The following STPG4 variants were observed in gnomAD, a reference collection of about 807,000 sequenced individuals.
STPG4 encodes the protein sperm-tail PG-rich repeat containing 4.
STPG4 carries 41 observed loss-of-function variants against 31.5 expected under a neutral mutation model. That is an observed-to-expected ratio of 1.30 (90% CI 1.01 to 1.69). The LOEUF (loss-of-function observed/expected upper bound fraction) is 1.69. Ranked by LOEUF, STPG4 falls within the 40% of genes most tolerant of loss-of-function variation. The pLI, the probability that STPG4 is intolerant of heterozygous loss-of-function variation, is 0.00. For missense variants in STPG4, 375 were observed against 293.4 expected (o/e 1.28, Z -2.03); for synonymous variants, 141 against 103.0 (o/e 1.37, Z -2.24).
chr2:47,135,413 G>A (rs1686575350), intron 3 of STPG4, among the ~76,000 whole-genome samples: 1 of 152,132 alleles, frequency 6.6e-6, no homozygotes, highest in Non-Finnish European at 1.5e-5. Context: ...TGGAGGAAGA[G>A]TCTCACTCTG....
chr2:47,120,066 C>G (rs749665657), intron 5 of STPG4, among the ~76,000 whole-genome samples: 14 of 152,164 alleles, frequency 9.2e-5, no homozygotes, highest in Non-Finnish European at 1.6e-4. Flanking sequence ...GGCGGTGGCT[C>G]ATGCCTGTAA....
chr2:47,142,836 C>CTTTTTTT lies in STPG4; in HGVS notation c.399+8415_399+8421dup, dbSNP rs10686388. Among the ~76,000 whole-genome samples, 45 of 73,840 alleles carry CTTTTTTT rather than the reference C, an allele frequency of 6.1e-4. 1 individual carries two copies. The highest frequency in any genetic ancestry group is 6.7e-4 in the African/African-American group (12 of 18,030). The allele number at this position is 73,840 out of a possible 152,430, so 48.4% of individuals were successfully genotyped here. A position where few individuals can be genotyped will look rare whatever the true frequency, so the allele number is the denominator to read the frequency against. ...ATCAACACATATAGATTTATCTCAT[C>CTTTTTTT]TTTTTTTTTTTTTTTTTTTTTTTTG... On this transcript the variant is annotated intron_variant, in intron 3 of 6. Transcript: ENST00000445927.
chr2:47,097,323 C>T (rs545048878), intron 5 of STPG4, among the ~76,000 whole-genome samples: 4 of 152,270 alleles, frequency 2.6e-5, no homozygotes, highest in East Asian at 1.9e-4. Context: ...CCCCAGAAAG[C>T]GCACACGTTC....
At position 47,143,082 on chromosome 2, in the gene STPG4, T is replaced by C. The variant is rs187748897; in HGVS notation, c.399+8176A>G. 4.8e-3 allele frequency among the ~76,000 whole-genome samples: 731 copies of C among 152,258 alleles called. 4 individuals are homozygous for C. Among genetic ancestry groups the C allele is most frequent in the Non-Finnish European group, 6.0e-3 (410 of 68,028 alleles). ...CTTAGGTGATCTGCCTGCCTCGGCC[T>C]CCCAAACTGCTGGGATTACAGGCGT... On this transcript the variant is annotated intron_variant, in intron 3 of 6. Coordinates refer to ENST00000445927, the MANE Select transcript of STPG4 (RefSeq NM_001163561.2).
At chr2:47,127,535 C>G (rs988239150) in intron 5 of STPG4, among the ~76,000 whole-genome samples, 1 of 152,152 alleles carries the variant, frequency 6.6e-6, no homozygotes, top group Non-Finnish European at 1.5e-5. Flanking sequence ...TCCCAAAGTG[C>G]TGGGATTACA....
chr2:47,152,548 A>G (rs964872527), intron 2 of STPG4, among the ~76,000 whole-genome samples: 4 of 152,198 alleles, frequency 2.6e-5, no homozygotes, highest in Non-Finnish European at 5.9e-5. Context: ...TCTTCCATAT[A>G]TTACCATTTT....
Position 47,107,339 on chromosome 2 carries a change from G to A in STPG4, c.520-16965C>T, listed in dbSNP as rs539376100. Among the ~76,000 whole-genome samples the A allele has an allele frequency of 9.9e-5, 15 of 152,264 alleles. 1 individual carries two copies. In the South Asian group the frequency reaches 1.0e-3, roughly 11 times the overall value. On this transcript the variant is annotated intron_variant, in intron 5 of 6. Transcript: ENST00000445927. ...GTGCTTGCGGGCCAGCTGGAGTTCC[G>A]GGTGGGCATGGGCTTGGTGGGCCCC...
chr2:47,130,032 A>T (rs1573183224), intron 4 of STPG4, 37 bp from the exon 5 acceptor site: 2 of 1,500,656 alleles, frequency 1.3e-6, no homozygotes, highest in African/African-American at 1.4e-5. Context: ...TGATTTTCTA[A>T]ATCTATTTTT....
At chr2:47,097,149 C>G (rs1427291102) in intron 5 of STPG4, among the ~76,000 whole-genome samples, 4 of 152,082 alleles carry the variant, frequency 2.6e-5, no homozygotes, top group African/African-American at 7.3e-5. Flanking sequence ...TTAATCATTA[C>G]TATGTTACAA....
chr2:47,093,606 C>T (rs796473288), intron 5 of STPG4, among the ~76,000 whole-genome samples: 15 of 152,332 alleles, frequency 9.8e-5, no homozygotes, highest in African/African-American at 3.6e-4. Flanking sequence ...TGCGGCTTTG[C>T]TTTCTAAAGC....
Position 47,114,861 on chromosome 2 carries a change from G to A in STPG4, c.519+15080C>T, listed in dbSNP as rs142695221. On this transcript the variant is annotated intron_variant, in intron 5 of 6. Coordinates refer to ENST00000445927, the MANE Select transcript of STPG4 (RefSeq NM_001163561.2). The stretch of plus-strand genomic sequence containing the variant: ...TGGCTCACTGAAACCTCCATCTTCC[G>A]GGTTCAAGCAATTCTCCTGCCTCAG... 8.6e-3 allele frequency among the ~76,000 whole-genome samples: 1,301 copies of A among 152,108 alleles called. 21 individuals carry two copies. The highest frequency in any genetic ancestry group is 0.029 in the African/African-American group (1,214 of 41,466).
At chr2:47,121,722 C>T in intron 5 of STPG4, among the ~76,000 whole-genome samples, 1 of 152,186 alleles carries the variant, frequency 6.6e-6, no homozygotes, top group East Asian at 1.9e-4. Context: ...GGGCCATGCT[C>T]CCTCCAGAGG....
intron 1 of STPG4, among the ~76,000 whole-genome samples, chr2:47,153,898 A>G (rs1686981505): frequency 6.6e-6 from 1 of 152,208 alleles, no homozygotes; most frequent in Admixed American, 6.5e-5. Context: ...TTATTTTGGT[A>G]TTCCTCAGTT....
intron 5 of STPG4, among the ~76,000 whole-genome samples, chr2:47,111,898 C>G (rs1158765777): frequency 6.6e-6 from 1 of 152,168 alleles, no homozygotes; most frequent in Admixed American, 6.6e-5. Context: ...AAATTCCTTA[C>G]CAGTTGTTTC....
chr2:47,153,002 C>T lies in STPG4; in HGVS notation c.96G>A (p.Lys32=), dbSNP rs759775865. 6.2e-7 allele frequency: 1 copy of T among 1,611,860 alleles called. No homozygotes were observed. Among genetic ancestry groups the T allele is most frequent in the South Asian group, 1.1e-5 (1 of 90,798 alleles). ...SFITASKPAQ[K]TSSFEREGWW... ...ATCCTTCTCTTTCAAAAGAGGAAGTCTTTTGGGCTGGTTTCTGTTAACAAA... is the reference window on the plus strand; with the variant it reads ...ATCCTTCTCTTTCAAAAGAGGAAGTTTTTTGGGCTGGTTTCTGTTAACAAA... Residue 32 remains lysine (K), a synonymous_variant, in exon 2 of 7, where the codon AAG becomes AAA. Transcript: ENST00000445927.
In STPG4 at chr2:47,110,975, T is replaced by C. The variant is rs551991290; in HGVS notation, c.519+18966A>G. Among the ~76,000 whole-genome samples the C allele has an allele frequency of 3.3e-5, 5 of 152,358 alleles. No homozygotes were observed. The East Asian group carries it at 7.7e-4, about 23-fold the overall frequency. On this transcript the variant is annotated intron_variant, in intron 5 of 6. Coordinates refer to ENST00000445927, the MANE Select transcript of STPG4 (RefSeq NM_001163561.2). ...CCTTTTAAAAAAATTAAAACTCTTA[T>C]AGCCACATTTGAGCAAATTATCCCT...
At chr2:47,113,248 C>T (rs550296263) in intron 5 of STPG4, among the ~76,000 whole-genome samples, 4 of 152,186 alleles carry the variant, frequency 2.6e-5, no homozygotes, top group South Asian at 2.1e-4. Flanking sequence ...ATGACACAGA[C>T]GTTTTAGATT....
chr2:47,127,133 C>T (rs1686380690), intron 5 of STPG4, among the ~76,000 whole-genome samples: 1 of 151,862 alleles, frequency 6.6e-6, no homozygotes, highest in African/African-American at 2.4e-5. Context: ...CTCTTTAAGG[C>T]CAATAACTCT....
chr2:47,153,037 T>A (rs755807146), intron 1 of STPG4, 21 bp from the exon 2 acceptor site: 17 of 1,585,596 alleles, frequency 1.1e-5, no homozygotes, highest in Middle Eastern at 1.7e-4. Context: ...ACACAAAGTA[T>A]GCTTATTCAT....
Sources: gnomAD v4.1 joint callset for allele counts (sites outside exome capture counted in the v4.1 genomes callset) on GRCh38, gnomAD v4.1.1 for gene constraint, MANE v1.5 for transcripts, NCBI Gene and HGNC (gene_info 2026-07-23, HGNC 2026-07-21) for gene names.